The following THSD7A variants were observed in gnomAD, a reference collection of about 807,000 sequenced individuals.
THSD7A encodes the protein thrombospondin type 1 domain containing 7A.
A neutral mutation model predicts 231.3 loss-of-function variants in THSD7A; 96 were observed. That is an observed-to-expected ratio of 0.41 (90% CI 0.35 to 0.49). The LOEUF is 0.49. THSD7A is among the 20% of genes least tolerant of loss of function. The probability of loss-of-function intolerance (pLI) is 0.05; values close to 1 mark genes in which losing one functional copy is unlikely to be tolerated. For missense variants in THSD7A, 2,290 were observed against 2,070.2 expected, an observed-to-expected ratio of 1.11 and a Z score of -2.06; for synonymous variants, 940 against 743.3, an observed-to-expected ratio of 1.26 and a Z score of -4.30.
At position 11,446,029 on chromosome 7, in the gene THSD7A, T is replaced by C. The variant is rs1190975105; in HGVS notation, c.3064+32A>G. On this transcript the variant is annotated intron_variant, in intron 13 of 27. Coordinates refer to ENST00000423059, the MANE Select transcript of THSD7A (RefSeq NM_015204.3). This position sits in a 1 kb window ranked among gnomAD's most constrained non-coding sequence, Gnocchi z 4.0. ...CATTTTCCCTCCACACTCCCGAAGATAGCAAATATGTAACAATGAAGATTG... is the reference window on the plus strand; with the variant it reads ...CATTTTCCCTCCACACTCCCGAAGACAGCAAATATGTAACAATGAAGATTG... The C allele has an allele frequency of 5.6e-6, 9 of 1,611,584 alleles. No homozygotes were observed. In the Admixed American group the frequency reaches 8.4e-5, roughly 15 times the overall value.
At chr7:11,809,800 C>T (rs1430987428) in intron 1 of THSD7A, among the ~76,000 whole-genome samples, 1 of 152,066 alleles carries the variant, frequency 6.6e-6, no homozygotes, top group Non-Finnish European at 1.5e-5. Flanking sequence ...TGCTAAGGCC[C>T]ACAGTTGAGT....
Position 11,564,965 on chromosome 7 carries a change from C to A in THSD7A, c.1454-21848G>T, listed in dbSNP as rs567783084. The stretch of plus-strand genomic sequence containing the variant: ...ATTTAAATTTCACAAATTGTATCAA[C>A]AGCTTGTTGGGGATATGACTCTTCT... On this transcript the variant is annotated intron_variant, in intron 4 of 27. Transcript: ENST00000423059. 3.9e-3 allele frequency among the ~76,000 whole-genome samples: 595 copies of A among 152,204 alleles called. 10 individuals are homozygous for A. Among genetic ancestry groups the A allele is most frequent in the Non-Finnish European group, 7.8e-4 (53 of 67,990 alleles).
intron 1 of THSD7A, among the ~76,000 whole-genome samples, chr7:11,642,831 G>A (rs890514857): frequency 6.6e-6 from 1 of 151,982 alleles, no homozygotes; most frequent in Non-Finnish European, 1.5e-5. Flanking sequence ...TTTATAATGT[G>A]CCTATCCTCT....
At chr7:11,504,401 C>T (rs1455968757) in intron 6 of THSD7A, among the ~76,000 whole-genome samples, 1 of 152,044 alleles carries the variant, frequency 6.6e-6, no homozygotes, top group Admixed American at 6.6e-5. Context: ...TACTTTTGCA[C>T]CAACCTAATA....
intron 1 of THSD7A, among the ~76,000 whole-genome samples, chr7:11,725,991 G>T (rs1244456603): frequency 6.6e-6 from 1 of 151,870 alleles, no homozygotes; most frequent in Non-Finnish European, 1.5e-5. Flanking sequence ...AAGAAACAAA[G>T]CTCACTAATT....
At chr7:11,565,397 A>G (rs1389098020) in intron 4 of THSD7A, among the ~76,000 whole-genome samples, 1 of 152,190 alleles carries the variant, frequency 6.6e-6, no homozygotes, top group Non-Finnish European at 1.5e-5. Context: ...TCGCTTAAAC[A>G]CAAGAGTGAC....
At chr7:11,738,388 G>A (rs937454156) in intron 1 of THSD7A, among the ~76,000 whole-genome samples, 10 of 151,866 alleles carry the variant, frequency 6.6e-5, no homozygotes, top group South Asian at 4.1e-4. Flanking sequence ...ATTATTTTAC[G>A]ATATATGTAA....
At chr7:11,423,353 G>A (rs931394659) in intron 16 of THSD7A, among the ~76,000 whole-genome samples, 7 of 149,654 alleles carry the variant, frequency 4.7e-5, no homozygotes, top group Non-Finnish European at 3.0e-5. Context: ...TTCATAACAT[G>A]GGTTGCCGAG....
chr7:11,788,744 A>T (rs951776475), intron 1 of THSD7A, among the ~76,000 whole-genome samples: 11 of 151,950 alleles, frequency 7.2e-5, no homozygotes, highest in African/African-American at 2.7e-4. Context: ...GGGTTTTTAA[A>T]TCTGTGACTC....
chr7:11,596,629 G>A (rs1398850972), intron 2 of THSD7A, among the ~76,000 whole-genome samples: 2 of 152,274 alleles, frequency 1.3e-5, no homozygotes, highest in East Asian at 3.9e-4. Context: ...AGGGATTGAG[G>A]AGATTAGTGC....
At chr7:11,738,319 A>C (rs564721881) in intron 1 of THSD7A, among the ~76,000 whole-genome samples, 2 of 152,098 alleles carry the variant, frequency 1.3e-5, no homozygotes, top group East Asian at 3.9e-4. Flanking sequence ...CAAGCGTTTC[A>C]GATTTCAGTG....
chr7:11,804,341 G>T (rs1784348598), intron 1 of THSD7A, among the ~76,000 whole-genome samples: 1 of 152,116 alleles, frequency 6.6e-6, no homozygotes, highest in Non-Finnish European at 1.5e-5. Context: ...AGTATTAAGA[G>T]AAAGATAGTG....
chr7:11,464,550 C>T (rs2128299186), intron 9 of THSD7A, among the ~76,000 whole-genome samples: 1 of 152,256 alleles, frequency 6.6e-6, no homozygotes, highest in South Asian at 2.1e-4. Context: ...AAAAATGTCA[C>T]TTAGAATACA....
chr7:11,727,388 G>C (rs1781583551), intron 1 of THSD7A, among the ~76,000 whole-genome samples: 1 of 151,786 alleles, frequency 6.6e-6, no homozygotes, highest in South Asian at 2.1e-4. Flanking sequence ...ACCCTACAAA[G>C]AGTTTGAAAT....
intron 2 of THSD7A, among the ~76,000 whole-genome samples, chr7:11,629,117 T>C (rs578051245): frequency 2.0e-5 from 3 of 152,264 alleles, no homozygotes; most frequent in African/African-American, 7.2e-5. Context: ...ATAGTCTCTC[T>C]TCCCACCATC....
At chr7:11,561,091 AT>A (rs1790058483) in intron 4 of THSD7A, among the ~76,000 whole-genome samples, 1 of 152,130 alleles carries the variant, frequency 6.6e-6, no homozygotes, top group African/African-American at 2.4e-5. Context: ...TAGATTTCAG[AT>A]TCACATCCAA....
chr7:11,668,698 T>C (rs1165461812), intron 1 of THSD7A, among the ~76,000 whole-genome samples: 2 of 152,128 alleles, frequency 1.3e-5, no homozygotes, highest in Non-Finnish European at 2.9e-5. Flanking sequence ...AATTTTTTGG[T>C]GACAGTAAAT....
At chr7:11,543,443 A>G in intron 4 of THSD7A, among the ~76,000 whole-genome samples, 1 of 152,240 alleles carries the variant, frequency 6.6e-6, no homozygotes, top group Non-Finnish European at 1.5e-5. Flanking sequence ...CTAAAATTCT[A>G]TAGCAATATT....
chr7:11,530,473 T>C (rs887203184), intron 6 of THSD7A, among the ~76,000 whole-genome samples: 1 of 152,168 alleles, frequency 6.6e-6, no homozygotes, highest in Non-Finnish European at 1.5e-5. Flanking sequence ...TGGAACACAG[T>C]GCTAGGAAAC....
Sources: allele counts gnomAD v4.1 joint callset (sites outside exome capture counted in the v4.1 genomes callset), GRCh38; gene constraint gnomAD v4.1.1; non-coding constraint Gnocchi (gnomAD v3.1); transcripts MANE v1.5; gene names NCBI Gene and HGNC (gene_info 2026-07-23, HGNC 2026-07-21).